The following COLGALT2 variants were observed in gnomAD, a reference collection of about 807,000 sequenced individuals.
COLGALT2 encodes the protein procollagen galactosyltransferase 2.
A neutral mutation model predicts 73.4 loss-of-function variants in COLGALT2; 49 were observed. The ratio of observed to expected loss-of-function variants is 0.67; its 90% confidence interval spans 0.53 to 0.85. COLGALT2 has a LOEUF of 0.85. COLGALT2 is among the 40% of genes least tolerant of loss of function. COLGALT2 has a pLI of 0.00. For synonymous variants in COLGALT2, 295 were observed against 307.6 expected (o/e 0.96, Z 0.43); for missense variants, 722 against 790.2 (o/e 0.91, Z 1.03).
chr1:183,964,226 G>A, intron 5 of COLGALT2: 1 of 472,540 alleles, frequency 2.1e-6, no homozygotes, highest in Non-Finnish European at 3.7e-6. Context: ...AAAACACTCG[G>A]CTATTCTTCA....
chr1:183,969,351 C>A lies in COLGALT2; in HGVS notation c.750G>T (p.Lys250Asn), dbSNP rs1670971719. The change falls in exon 5 of 12, where the codon AAG (lysine) becomes AAT (asparagine). Residue 250 changes from lysine (K) to asparagine (N), a missense_variant. Lys to Asn is a moderately conservative substitution (Grantham distance 94). Coordinates refer to ENST00000361927, the MANE Select transcript of COLGALT2 (RefSeq NM_015101.4). ...CCTGGTGTGGGGGGTAGAAAGTCAG[C>A]TTGTCCGAGGCCTCCTTCCTGAGGT... ...LIDLRKEASDKLTFYPPHQDY... is the reference protein window; with the variant it reads ...LIDLRKEASDNLTFYPPHQDY... The A allele has an allele frequency of 1.1e-5, 18 of 1,613,706 alleles. No homozygotes were observed. The highest frequency in any genetic ancestry group is 1.5e-5 in the Non-Finnish European group (18 of 1,179,810).
chr1:183,969,514 A>G (rs1352190586), intron 4 of COLGALT2, 41 bp from the exon 5 acceptor site: 1 of 1,534,524 alleles, frequency 6.5e-7, no homozygotes, highest in East Asian at 2.3e-5. Flanking sequence ...TTCTGATTTG[A>G]AGTCTTCATC....
chr1:184,011,695 C>G (rs936331001), intron 1 of COLGALT2, among the ~76,000 whole-genome samples: 1 of 152,148 alleles, frequency 6.6e-6, no homozygotes, highest in African/African-American at 2.4e-5. Flanking sequence ...AATGTCATTG[C>G]GTAGTTATAG....
chr1:183,941,786 T>C (rs1296621202), intron 10 of COLGALT2, among the ~76,000 whole-genome samples: 1 of 152,168 alleles, frequency 6.6e-6, no homozygotes, highest in African/African-American at 2.4e-5. Context: ...TCGTGTCTCA[T>C]CCAGTGGAAG....
intron 1 of COLGALT2, among the ~76,000 whole-genome samples, chr1:184,031,108 T>C (rs543177631): frequency 1.3e-5 from 2 of 152,190 alleles, no homozygotes; most frequent in African/African-American, 2.4e-5. Context: ...GCAGGGAGGA[T>C]TGATAATTTC....
At chr1:184,008,346 A>G (rs1672138117) in intron 1 of COLGALT2, among the ~76,000 whole-genome samples, 2 of 152,228 alleles carry the variant, frequency 1.3e-5, no homozygotes, top group Admixed American at 1.3e-4. Context: ...GCCATAAATG[A>G]TTTTAGACTG....
chr1:183,985,735 A>C (rs1671469654), intron 1 of COLGALT2, among the ~76,000 whole-genome samples: 1 of 152,154 alleles, frequency 6.6e-6, no homozygotes, highest in Non-Finnish European at 1.5e-5. Flanking sequence ...TGATCTATTG[A>C]TCTTGCTGCC....
chr1:183,985,226 G>A (rs1304815457), intron 1 of COLGALT2, among the ~76,000 whole-genome samples: 1 of 152,108 alleles, frequency 6.6e-6, no homozygotes. Flanking sequence ...ATGAAGACTG[G>A]ATCTCTCAGC....
At chr1:183,956,635 C>T (rs1192192988) in intron 6 of COLGALT2, among the ~76,000 whole-genome samples, 1 of 152,172 alleles carries the variant, frequency 6.6e-6, no homozygotes, top group Non-Finnish European at 1.5e-5. Flanking sequence ...CTCCTTTGGA[C>T]TCACATGGCC....
At chr1:184,030,619 A>T (rs1378251417) in intron 1 of COLGALT2, among the ~76,000 whole-genome samples, 3 of 152,216 alleles carry the variant, frequency 2.0e-5, no homozygotes, top group African/African-American at 4.8e-5. Flanking sequence ...CTCAGTTACA[A>T]GGCATTCATT....
chr1:184,035,643 T>C (rs1649648885), intron 1 of COLGALT2, among the ~76,000 whole-genome samples: 2 of 152,208 alleles, frequency 1.3e-5, no homozygotes, highest in Non-Finnish European at 2.9e-5. Context: ...CAACTTCTTA[T>C]GGTAAATACT....
intron 2 of COLGALT2, among the ~76,000 whole-genome samples, chr1:183,977,836 A>AGAG: frequency 7.5e-6 from 1 of 132,452 alleles, no homozygotes; most frequent in African/African-American, 2.9e-5. Flanking sequence ...GAGAGAGAGA[A>AGAG]AGAAGAGAAG....
intron 1 of COLGALT2, among the ~76,000 whole-genome samples, chr1:184,020,065 A>C (rs1340075542): frequency 2.0e-5 from 3 of 152,166 alleles, no homozygotes; most frequent in Non-Finnish European, 2.9e-5. Context: ...GAAAGTCTTC[A>C]TTTATTGTCT....
chr1:183,998,477 T>C (rs1671828044), intron 1 of COLGALT2, among the ~76,000 whole-genome samples: 1 of 152,204 alleles, frequency 6.6e-6, no homozygotes. Flanking sequence ...TTATGGGTTG[T>C]TTGTCCACTA....
intron 1 of COLGALT2, among the ~76,000 whole-genome samples, chr1:184,030,727 A>G (rs1649486752): frequency 1.3e-5 from 2 of 152,206 alleles, no homozygotes; most frequent in Non-Finnish European, 2.9e-5. Context: ...TGGCCTAATC[A>G]CTTGGATAAA....
intron 1 of COLGALT2, among the ~76,000 whole-genome samples, chr1:184,017,009 T>G (rs1023746654): frequency 2.6e-5 from 4 of 152,234 alleles, no homozygotes; most frequent in African/African-American, 9.6e-5. Context: ...CATTTCACTG[T>G]GTTGATGACA....
intron 1 of COLGALT2, among the ~76,000 whole-genome samples, chr1:183,991,148 T>C (rs1056507192): frequency 6.6e-6 from 1 of 152,228 alleles, no homozygotes; most frequent in Non-Finnish European, 1.5e-5. Flanking sequence ...CATAACTTCA[T>C]TTGTACCTCC....
At chr1:183,976,660 G>C (rs1334867596) in intron 2 of COLGALT2, among the ~76,000 whole-genome samples, 1 of 152,056 alleles carries the variant, frequency 6.6e-6, no homozygotes, top group African/African-American at 2.4e-5. Context: ...CCAAGAACAT[G>C]GCTCTGAGGG....
chr1:184,004,673 T>A (rs1202779254), intron 1 of COLGALT2, among the ~76,000 whole-genome samples: 1 of 152,190 alleles, frequency 6.6e-6, no homozygotes, highest in Non-Finnish European at 1.5e-5. Flanking sequence ...TGGCCCTTGG[T>A]AGACACCATA....
Sources: allele counts gnomAD v4.1 joint callset (sites outside exome capture counted in the v4.1 genomes callset), GRCh38; gene constraint gnomAD v4.1.1; transcripts MANE v1.5; gene names NCBI Gene and HGNC (gene_info 2026-07-23, HGNC 2026-07-21).